Variants in IQUB observed in about 807,000 individuals in gnomAD.
The protein encoded by IQUB is IQ motif and ubiquitin-like domain-containing protein.
In IQUB, 86 loss-of-function variants were observed where a neutral mutation model predicts 86.4. The observed-to-expected ratio is 1.00, with a 90% CI of 0.84 to 1.19. The LOEUF (loss-of-function observed/expected upper bound fraction) is 1.19. Ranked by LOEUF, IQUB falls within the 50% of genes most tolerant of loss-of-function variation. The pLI, the probability that IQUB is intolerant of heterozygous loss-of-function variation, is 0.00. For synonymous variants in IQUB, 289 were observed against 304.5 expected, an observed-to-expected ratio of 0.95 and a Z score of 0.53; for missense variants, 946 against 916.9, an observed-to-expected ratio of 1.03 and a Z score of -0.41.
chr7:123,503,765 C>T lies in IQUB; in HGVS notation c.533-402G>A, dbSNP rs184485670. ...TATATTTACTCATAGGAACACATAT[C>T]GTTTAATTATTAAATATAGTATTAA... On this transcript the variant is annotated intron_variant, in intron 3 of 12. Transcript: ENST00000324698. 1.1e-3 allele frequency among the ~76,000 whole-genome samples: 161 copies of T among 151,808 alleles called. 2 individuals are homozygous for T. Among genetic ancestry groups the T allele is most frequent in the East Asian group, 3.9e-4 (2 of 5,166 alleles).
intron 6 of IQUB, chr7:123,501,591 C>T (rs1374861112): frequency 2.6e-5 from 4 of 152,144 alleles, no homozygotes. Context: ...CCACTCTTGC[C>T]TAGAGGTTGC....
intron 10 of IQUB, among the ~76,000 whole-genome samples, chr7:123,463,141 A>ACTT (rs1468360797): frequency 1.3e-5 from 2 of 151,762 alleles, no homozygotes; most frequent in Admixed American, 6.6e-5. Context: ...TCAAGAACAA[A>ACTT]CTTTAAATAC....
chr7:123,487,134 A>ACG (rs1795244106), intron 7 of IQUB, among the ~76,000 whole-genome samples: 1 of 149,616 alleles, frequency 6.7e-6, no homozygotes, highest in Admixed American at 6.7e-5. Context: ...CTCCTTCTTC[A>ACG]CTCTCTCTCT....
At chr7:123,516,098 G>A (rs148263535) in intron 1 of IQUB, among the ~76,000 whole-genome samples, 1 of 151,858 alleles carries the variant, frequency 6.6e-6, no homozygotes, top group Non-Finnish European at 1.5e-5. Flanking sequence ...ATGACAAAAA[G>A]TAAAAGCAAT....
chr7:123,468,860 A>G (rs939154377), intron 9 of IQUB, among the ~76,000 whole-genome samples: 1 of 152,238 alleles, frequency 6.6e-6, no homozygotes, highest in Non-Finnish European at 1.5e-5. Context: ...ATAATTGATG[A>G]GAAAAAAGAT....
At chr7:123,481,246 C>G (rs938640309) in intron 7 of IQUB, among the ~76,000 whole-genome samples, 2 of 152,090 alleles carry the variant, frequency 1.3e-5, no homozygotes, top group African/African-American at 4.8e-5. Flanking sequence ...CATCACCCCC[C>G]ACTTATGTTT....
chr7:123,517,064 T>A (rs1796668477), intron 1 of IQUB, among the ~76,000 whole-genome samples: 1 of 152,154 alleles, frequency 6.6e-6, no homozygotes, highest in Non-Finnish European at 1.5e-5. Flanking sequence ...CAATGTGGAA[T>A]GCCCAATTAG....
intron 1 of IQUB, among the ~76,000 whole-genome samples, chr7:123,528,975 G>A (rs765127282): frequency 6.6e-5 from 10 of 152,094 alleles, no homozygotes; most frequent in Non-Finnish European, 1.3e-4. Context: ...CATATTAAAA[G>A]TGTGAAATGT....
chr7:123,468,266 G>A (rs1794351002), intron 9 of IQUB, among the ~76,000 whole-genome samples: 1 of 152,196 alleles, frequency 6.6e-6, no homozygotes, highest in African/African-American at 2.4e-5. Context: ...GATAGTAGAG[G>A]AAGGAAACAG....
chr7:123,461,186 T>C (rs1793961854), intron 11 of IQUB, among the ~76,000 whole-genome samples, 171 bp downstream of exon 11: 1 of 151,650 alleles, frequency 6.6e-6, no homozygotes, highest in African/African-American at 2.4e-5. Context: ...TATAGAGGTA[T>C]AATGGTGAGC....
At chr7:123,457,774 C>G (rs1793781723) in intron 11 of IQUB, among the ~76,000 whole-genome samples, 1 of 151,954 alleles carries the variant, frequency 6.6e-6, no homozygotes, top group Non-Finnish European at 1.5e-5. Context: ...GTCCCCATCT[C>G]TAAACCAGAG....
At chr7:123,519,653 G>A (rs1376390394) in intron 1 of IQUB, among the ~76,000 whole-genome samples, 2 of 152,166 alleles carry the variant, frequency 1.3e-5, no homozygotes, top group African/African-American at 2.4e-5. Context: ...AGAAGGGCAG[G>A]AGGGAGGAAG....
chr7:123,488,117 G>A (rs1381948469), intron 7 of IQUB, among the ~76,000 whole-genome samples: 2 of 151,744 alleles, frequency 1.3e-5, no homozygotes, highest in South Asian at 2.1e-4. Flanking sequence ...AGGCCGAGGC[G>A]GGCGGATCAC....
At chr7:123,461,705 TTAGAA>T in intron 10 of IQUB, 100 bp from the exon 11 acceptor site, 2 of 1,044,814 alleles carry the variant, frequency 1.9e-6, no homozygotes, top group South Asian at 6.0e-5. Context: ...CTTACTTATC[TTAGAA>T]TGAGATTTAA....
intron 1 of IQUB, among the ~76,000 whole-genome samples, chr7:123,517,269 T>C (rs892677422): frequency 1.3e-5 from 2 of 151,834 alleles, no homozygotes; most frequent in African/African-American, 2.4e-5. Flanking sequence ...CTGTGGCTCA[T>C]GCCTGTAATC....
intron 8 of IQUB, among the ~76,000 whole-genome samples, chr7:123,470,032 TC>T (rs1321784499): frequency 1.3e-5 from 2 of 152,110 alleles, no homozygotes; most frequent in Non-Finnish European, 2.9e-5. Flanking sequence ...CTAGCCCACC[TC>T]CTAAATGAAG....
chr7:123,478,782 T>C (rs538904295), intron 8 of IQUB, among the ~76,000 whole-genome samples: 2 of 152,144 alleles, frequency 1.3e-5, no homozygotes, highest in Non-Finnish European at 1.5e-5. Context: ...AGATAGGTTA[T>C]ATGCTACAGA....
chr7:123,469,201 A>C lies in IQUB; in HGVS notation c.1581+13T>G. ...GTGAACTCTACCCCCAAACTAAGAGAAAGTTAACATACCTTTACAGTGTGT... is the reference window on the plus strand; with the variant it reads ...GTGAACTCTACCCCCAAACTAAGAGCAAGTTAACATACCTTTACAGTGTGT... On this transcript the variant is annotated intron_variant, in intron 9 of 12. Transcript: ENST00000324698. The C allele has an allele frequency of 6.8e-7, 1 of 1,459,882 alleles. No homozygotes were observed. The allele number at this position is 1,459,882 out of a possible 1,614,324, so 90.4% of individuals were successfully genotyped here.
At chr7:123,521,155 C>T (rs771446217) in intron 1 of IQUB, among the ~76,000 whole-genome samples, 1 of 152,112 alleles carries the variant, frequency 6.6e-6, no homozygotes, top group Non-Finnish European at 1.5e-5. Flanking sequence ...TCAATGCAGT[C>T]AGAAACGGAA....
Sources: allele counts gnomAD v4.1 joint callset (sites outside exome capture counted in the v4.1 genomes callset), GRCh38; gene constraint gnomAD v4.1.1; transcripts MANE v1.5; gene names NCBI Gene and HGNC (gene_info 2026-07-23, HGNC 2026-07-21).